The following GP2 variants were observed in gnomAD, a reference collection of about 807,000 sequenced individuals.
GP2 encodes pancreatic secretory granule membrane major glycoprotein GP2.
A neutral mutation model predicts 60.8 loss-of-function variants in GP2; 58 were observed. The ratio of observed to expected loss-of-function variants is 0.95; its 90% CI spans 0.77 to 1.19. The LOEUF is 1.19. Among genes scored for constraint, GP2 ranks in the 50% most tolerant of loss-of-function variants. GP2 has a pLI of 0.00. For synonymous variants in GP2, 280 were observed against 253.4 expected (o/e 1.10, Z -1.00); for missense variants, 647 against 667.4 (o/e 0.97, Z 0.34).
At chr16:20,327,362 G>C in intron 1 of GP2, 105 bp downstream of exon 1, 2 of 749,722 alleles carry the variant, frequency 2.7e-6, no homozygotes, top group South Asian at 3.5e-5. Context: ...CAAACTACTT[G>C]CTGGGTTCTA....
intron 7 of GP2, among the ~76,000 whole-genome samples, chr16:20,317,586 C>T (rs78043599): frequency 0.077 from 11,752 of 152,220 alleles, 1,062 homozygotes; most frequent in African/African-American, 0.22. Context: ...TAGCCTGACC[C>T]ACGTTCTAGC....
chr16:20,312,579 CA>C (rs1434754157), intron 10 of GP2, among the ~76,000 whole-genome samples: 1 of 152,010 alleles, frequency 6.6e-6, no homozygotes, highest in Non-Finnish European at 1.5e-5. Flanking sequence ...ACTGGGAAAC[CA>C]CACTGTTCCA....
chr16:20,317,815 CTTGTTT>C (rs1964232017), intron 7 of GP2, among the ~76,000 whole-genome samples: 1 of 152,054 alleles, frequency 6.6e-6, no homozygotes, highest in South Asian at 2.1e-4. Flanking sequence ...GCATTTTTCC[CTTGTTT>C]TTGTCAGCCG....
chr16:20,323,757 G>T, intron 3 of GP2, 59 bp downstream of exon 3: 1 of 1,138,846 alleles, frequency 8.8e-7, no homozygotes, highest in Non-Finnish European at 1.3e-6. Context: ...TCACTCTACT[G>T]AGCCTGGGAG....
chr16:20,324,810 T>C (rs970706252), intron 2 of GP2, among the ~76,000 whole-genome samples: 1 of 152,250 alleles, frequency 6.6e-6, no homozygotes, highest in Non-Finnish European at 1.5e-5. Flanking sequence ...CATAGACATT[T>C]TTCCATACCA....
At chr16:20,316,159 G>A (rs1964159720) in intron 8 of GP2, 119 bp from the exon 9 acceptor site, 1 of 621,276 alleles carries the variant, frequency 1.6e-6, no homozygotes, top group Non-Finnish European at 2.9e-6. Flanking sequence ...TCACGCTATG[G>A]CCCTAATTCC....
chr16:20,327,366 G>T, intron 1 of GP2, 101 bp downstream of exon 1: 1 of 802,564 alleles, frequency 1.2e-6, no homozygotes, highest in Non-Finnish European at 1.7e-6. Context: ...CTACTTGCTG[G>T]GTTCTAAAAA....
chr16:20,322,638 C>T (rs866999765), intron 4 of GP2, among the ~76,000 whole-genome samples: 41 of 152,128 alleles, frequency 2.7e-4, no homozygotes, highest in Middle Eastern at 3.2e-3. Context: ...ATGTCAGAAC[C>T]ATTTCCTGAG....
At chr16:20,324,959 G>A (rs2141611763) in intron 2 of GP2, among the ~76,000 whole-genome samples, 1 of 152,336 alleles carries the variant, frequency 6.6e-6, no homozygotes, top group Admixed American at 6.5e-5. Context: ...GATCCCACCA[G>A]CATGCCCCAA....
chr16:20,311,528 G>C (rs1418373257), intron 10 of GP2, among the ~76,000 whole-genome samples: 2 of 152,220 alleles, frequency 1.3e-5, no homozygotes, highest in Non-Finnish European at 2.9e-5. Context: ...GTGGGGCCAT[G>C]TGACCGAATC....
chr16:20,326,510 T>A, intron 1 of GP2, 43 bp from the exon 2 acceptor site: 1 of 1,539,244 alleles, frequency 6.5e-7, no homozygotes. Context: ...GGCATAGGTC[T>A]ATGTTCTTAG....
intron 4 of GP2, among the ~76,000 whole-genome samples, 178 bp downstream of exon 4, chr16:20,322,691 C>T (rs372972485): frequency 2.6e-5 from 4 of 152,190 alleles, no homozygotes; most frequent in Non-Finnish European, 5.9e-5. Context: ...TCCAACCCTG[C>T]CCTCCTATCC....
At chr16:20,314,535 C>A in intron 10 of GP2, 122 bp downstream of exon 10, 1 of 773,120 alleles carries the variant, frequency 1.3e-6, no homozygotes, top group South Asian at 1.5e-5. Context: ...TCTCAAAGGC[C>A]AATCTTAGGT....
intron 4 of GP2, among the ~76,000 whole-genome samples, chr16:20,320,850 A>T (rs1304650091): frequency 6.6e-6 from 1 of 152,176 alleles, no homozygotes; most frequent in Non-Finnish European, 1.5e-5. Context: ...TATTCAACAC[A>T]CAACTTCTTG....
Position 20,320,433 on chromosome 16 carries a change from C to T in GP2, c.687G>A (p.Arg229=), listed in dbSNP as rs776283537. 8 of 1,614,050 alleles carry T rather than the reference C, an allele frequency of 5.0e-6. No homozygotes were observed. In the South Asian group the frequency reaches 8.8e-5, roughly 18 times the overall value. Residue 229 remains arginine, a synonymous_variant, in exon 5 of 11, where the codon AGG becomes AGA. Coordinates refer to ENST00000302555, the MANE Select transcript of GP2 (RefSeq NM_001502.4). The part of the protein sequence containing the change: ...SLQPQLDCGP[R]EIKVKVDKCL... Reference sequence around the variant, plus strand: ...ATTTGTCCACCTTCACCTTGATCTCCCTGGGCCCACAGTCTAGCTGAGGCT... The same window carrying T: ...ATTTGTCCACCTTCACCTTGATCTCTCTGGGCCCACAGTCTAGCTGAGGCT...
rs377680598 is a variant in GP2, at chr16:20,319,795, G to C, written c.859-27C>G. On this transcript the variant is annotated intron_variant, in intron 5 of 10. Transcript: ENST00000302555. ...TTTGGCAAAAAAACAAAACCATACA[G>C]ATGTTTATGTGTATGTGTATGTAGG... 20 of 1,574,632 alleles carry C rather than the reference G, an allele frequency of 1.3e-5. No homozygotes were observed. The African/African-American group carries it at 2.7e-4, about 21-fold the overall frequency.
At position 20,326,419 on chromosome 16, in the gene GP2, T is replaced by C. The variant is rs1382994310; in HGVS notation, c.13A>G (p.Met5Val). 1 of 1,612,814 alleles carries C rather than the reference T, an allele frequency of 6.2e-7. No homozygotes were observed. MPHL[M>V]ERMVGSGLLW... ...AGGCCAGAGCCCACCATCCTTTCCA[T>C]AAGGTGAGGCATGCAGGTCACTTTG... Residue 5 changes from methionine to valine, a missense_variant, in exon 2 of 11, where the codon ATG (methionine) becomes GTG (valine). Transcript: ENST00000302555.
At chr16:20,320,217 G>T in intron 5 of GP2, 45 bp downstream of exon 5, 3 of 1,375,414 alleles carry the variant, frequency 2.2e-6, no homozygotes, top group Non-Finnish European at 3.1e-6. Flanking sequence ...GGTCCCATCA[G>T]CCCAACACAT....
intron 3 of GP2, chr16:20,323,500 T>A (rs1964436220): frequency 1.8e-6 from 1 of 561,948 alleles, no homozygotes; most frequent in African/African-American, 1.8e-5. Flanking sequence ...CCCCCCCTTT[T>A]TTTCAGATCA....
Sources: gnomAD v4.1 joint callset for allele counts (sites outside exome capture counted in the v4.1 genomes callset) on GRCh38, gnomAD v4.1.1 for gene constraint, MANE v1.5 for transcripts, NCBI Gene and HGNC (gene_info 2026-07-23, HGNC 2026-07-21) for gene names.